ADAM10: variants seen among roughly 807,000 people sequenced by gnomAD.
ADAM10 encodes ADAM metallopeptidase domain 10, also known as disintegrin and metalloproteinase domain-containing protein 10.
ADAM10 carries 17 observed loss-of-function variants against 90.1 expected under a neutral mutation model. That is an observed-to-expected ratio of 0.19 (90% CI 0.13 to 0.28). ADAM10 has a LOEUF of 0.28. Ranked by LOEUF, ADAM10 falls within the 10% of genes least tolerant of loss-of-function variation. ADAM10 has a pLI of 1.00. For missense variants in ADAM10, 610 were observed against 914.3 expected (o/e 0.67, Z 4.29); for synonymous variants, 310 against 298.6 (o/e 1.04, Z -0.40).
intron 11 of ADAM10, among the ~76,000 whole-genome samples, chr15:58,614,366 T>C (rs1394502642): frequency 1.3e-5 from 2 of 151,914 alleles, no homozygotes; most frequent in Non-Finnish European, 2.9e-5. Context: ...GAAGTCTTCC[T>C]TGAGGATTTA....
At chr15:58,651,221 T>A (rs567027146) in intron 5 of ADAM10, among the ~76,000 whole-genome samples, 2 of 152,288 alleles carry the variant, frequency 1.3e-5, no homozygotes, top group South Asian at 4.1e-4. Flanking sequence ...GGGGCATCCA[T>A]CCCCTCAAGC....
At chr15:58,650,202 CTT>C (rs1412719700) in intron 5 of ADAM10, among the ~76,000 whole-genome samples, 9 of 152,122 alleles carry the variant, frequency 5.9e-5, no homozygotes, top group Admixed American at 5.9e-4. Flanking sequence ...AGTTGACTCT[CTT>C]GTTCTTCCAT....
At chr15:58,651,431 A>G (rs1896685220) in intron 5 of ADAM10, among the ~76,000 whole-genome samples, 1 of 152,158 alleles carries the variant, frequency 6.6e-6, no homozygotes, top group Admixed American at 6.5e-5. Context: ...ACCCTCTGGT[A>G]ACCATCCTTC....
chr15:58,610,087 C>T lies in ADAM10; in HGVS notation c.2025+210G>A, dbSNP rs1419448904. Reference sequence around the variant, plus strand: ...CGGTAAAACAGAATGACTCCCATCACCTACTAAGCAATCTATGAATGATAC... The same window carrying T: ...CGGTAAAACAGAATGACTCCCATCATCTACTAAGCAATCTATGAATGATAC... On this transcript the variant is annotated intron_variant, in intron 14 of 15. Transcript: ENST00000260408. 5.0e-6 allele frequency: 3 copies of T among 597,462 alleles called. No homozygotes were observed. In the Admixed American group the frequency reaches 8.1e-5, roughly 16 times the overall value. 37.0% of individuals were successfully genotyped at this position (597,462 alleles called of 1,614,324 possible). A position where few individuals can be genotyped will look rare whatever the true frequency, so the allele number is the denominator to read the frequency against.
chr15:58,663,995 T>A lies in ADAM10; in HGVS notation c.585+1102A>T, dbSNP rs571171563. On this transcript the variant is annotated intron_variant, in intron 5 of 15. Coordinates refer to ENST00000260408, the MANE Select transcript of ADAM10 (RefSeq NM_001110.4). Reference sequence around the variant, plus strand: ...TACATTAGTACAGGCCACTATCACTTCTCAACTGAATAACTACAACAACTT... The same window carrying A: ...TACATTAGTACAGGCCACTATCACTACTCAACTGAATAACTACAACAACTT... Among the ~76,000 whole-genome samples, 188 of 152,164 alleles carry A rather than the reference T, an allele frequency of 1.2e-3. 1 individual carries two copies. Among genetic ancestry groups the A allele is most frequent in the African/African-American group, 4.4e-3 (183 of 41,536 alleles).
rs889898917 is a variant in ADAM10, at chr15:58,596,768, T to A, written c.*779A>T. 4.6e-5 allele frequency: 7 copies of A among 152,560 alleles called. No individual in the cohort carries two copies. Among genetic ancestry groups the A allele is most frequent in the African/African-American group, 1.7e-4 (7 of 41,434 alleles). 9.5% of individuals were successfully genotyped at this position (152,560 alleles called of 1,614,324 possible). Reference sequence around the variant, plus strand: ...CTCTGAAGTAGTATGTGCTGCTATGTCCAGTTTGCACAACACTTAACTGTG... The same window carrying A: ...CTCTGAAGTAGTATGTGCTGCTATGACCAGTTTGCACAACACTTAACTGTG... On this transcript the variant is annotated 3_prime_UTR_variant, in exon 16 of 16. Coordinates refer to ENST00000260408, the MANE Select transcript of ADAM10 (RefSeq NM_001110.4).
chr15:58,627,370 C>T (rs1187864754), intron 10 of ADAM10, among the ~76,000 whole-genome samples: 4 of 152,128 alleles, frequency 2.6e-5, no homozygotes, highest in Non-Finnish European at 4.4e-5. Flanking sequence ...TCTGTCAAAA[C>T]TCATCAAATG....
chr15:58,744,797 G>A (rs2140854156), intron 1 of ADAM10, among the ~76,000 whole-genome samples: 1 of 152,286 alleles, frequency 6.6e-6, no homozygotes, highest in African/African-American at 2.4e-5. Context: ...ATTGCTTAAA[G>A]CCAAGAGTTC....
chr15:58,698,602 TATC>T (rs1381035371), intron 2 of ADAM10, among the ~76,000 whole-genome samples: 1 of 145,818 alleles, frequency 6.9e-6, no homozygotes, highest in East Asian at 2.0e-4. Flanking sequence ...GATAGACAGA[TATC>T]ATAAAAAAGA....
At chr15:58,611,309 T>A (rs968882110) in intron 12 of ADAM10, 8 of 555,416 alleles carry the variant, frequency 1.4e-5, no homozygotes, top group Non-Finnish European at 1.9e-5. Context: ...CCAAGAAAGA[T>A]AGTAAATCTT....
At chr15:58,653,054 G>C (rs929159914) in intron 5 of ADAM10, among the ~76,000 whole-genome samples, 5 of 152,204 alleles carry the variant, frequency 3.3e-5, no homozygotes, top group Admixed American at 3.3e-4. Context: ...ACTGATTTTT[G>C]TACGTTGATT....
chr15:58,732,739 G>T, intron 1 of ADAM10: 1 of 152,390 alleles, frequency 6.6e-6, no homozygotes, highest in Non-Finnish European at 1.5e-5. Flanking sequence ...TGAGCTTAAT[G>T]TGATAAATCC....
intron 5 of ADAM10, among the ~76,000 whole-genome samples, chr15:58,647,583 C>CT (rs1204499941): frequency 2.6e-5 from 4 of 152,156 alleles, no homozygotes; most frequent in Admixed American, 6.5e-5. Context: ...GAGTCTCACT[C>CT]TGTTACCCAG....
chr15:58,624,929 T>G (rs1895894114), intron 10 of ADAM10, among the ~76,000 whole-genome samples: 1 of 152,168 alleles, frequency 6.6e-6, no homozygotes, highest in Admixed American at 6.5e-5. Flanking sequence ...CAAAGCAATA[T>G]GTACATTTTT....
chr15:58,679,047 G>T, intron 4 of ADAM10, 77 bp downstream of exon 4: 1 of 1,381,496 alleles, frequency 7.2e-7, no homozygotes, highest in Non-Finnish European at 1.0e-6. Flanking sequence ...AACAGCTAAT[G>T]CTTCATTTGT....
chr15:58,630,632 A>G (rs766942036), intron 9 of ADAM10, among the ~76,000 whole-genome samples: 7 of 152,340 alleles, frequency 4.6e-5, no homozygotes, highest in Non-Finnish European at 7.4e-5. Context: ...AAGTTTATAA[A>G]GCAGTTTATA....
chr15:58,673,091 G>C (rs1347538166), intron 4 of ADAM10, among the ~76,000 whole-genome samples: 3 of 152,056 alleles, frequency 2.0e-5, no homozygotes, highest in Non-Finnish European at 2.9e-5. Context: ...TGTGTCTCTA[G>C]ATAGCCCATC....
At chr15:58,712,523 CAA>C (rs35146640) in intron 2 of ADAM10, among the ~76,000 whole-genome samples, 12 of 132,492 alleles carry the variant, frequency 9.1e-5, no homozygotes, top group Admixed American at 1.5e-4. Context: ...GGCCCTGTTT[CAA>C]AAAAAAAAAA....
At chr15:58,634,194 C>T (rs1896185333) in intron 8 of ADAM10, among the ~76,000 whole-genome samples, 1 of 151,546 alleles carries the variant, frequency 6.6e-6, no homozygotes, top group African/African-American at 2.4e-5. Flanking sequence ...ACCTGTAATC[C>T]CAGCTACTCG....
Sources: allele counts gnomAD v4.1 joint callset (sites outside exome capture counted in the v4.1 genomes callset), GRCh38; gene constraint gnomAD v4.1.1; transcripts MANE v1.5; gene names NCBI Gene and HGNC (gene_info 2026-07-23, HGNC 2026-07-21).